TCF25: variants seen among roughly 807,000 people sequenced by gnomAD.
TCF25 encodes TCF25 ribosome quality control complex subunit.
A neutral mutation model predicts 83.1 loss-of-function variants in TCF25; 41 were observed. The observed-to-expected ratio is 0.49, with a 90% CI of 0.38 to 0.64. TCF25 has a LOEUF of 0.64. Among genes scored for constraint, TCF25 ranks in the 30% least tolerant of loss-of-function variants. The pLI is 0.00. For missense variants in TCF25, 979 were observed against 914.5 expected (o/e 1.07, Z -0.91); for synonymous variants, 458 against 365.0 (o/e 1.25, Z -2.90).
intron 1 of TCF25, among the ~76,000 whole-genome samples, chr16:89,882,495 C>G (rs2042682773): frequency 6.6e-6 from 1 of 152,248 alleles, no homozygotes; most frequent in African/African-American, 2.4e-5. Flanking sequence ...CAAGATCACA[C>G]TGCTGCACTG....
chr16:89,899,229 TAGA>T (rs775102743), intron 11 of TCF25, among the ~76,000 whole-genome samples: 2 of 151,352 alleles, frequency 1.3e-5, no homozygotes, highest in Non-Finnish European at 2.9e-5. Flanking sequence ...AGCCGGGAGG[TAGA>T]AGGAGGGTTG....
At chr16:89,907,370 TCCCAG>T in intron 16 of TCF25, 48 bp downstream of exon 16, 1 of 86,540 alleles carries the variant, frequency 1.2e-5, no homozygotes, top group Non-Finnish European at 2.0e-5. Flanking sequence ...ACCTCCCTCC[TCCCAG>T]TTCCCAGCTC....
intron 5 of TCF25, among the ~76,000 whole-genome samples, chr16:89,888,265 CAAAA>C (rs559873717): frequency 6.7e-6 from 1 of 148,700 alleles, no homozygotes; most frequent in Non-Finnish European, 1.5e-5. Flanking sequence ...GACCGTGTCT[CAAAA>C]AAAAGTTTTC....
Position 89,894,084 on chromosome 16 carries a change from G to A in TCF25, c.828+226G>A, listed in dbSNP as rs35781488. Among the ~76,000 whole-genome samples, 1,334 of 152,296 alleles carry A rather than the reference G, an allele frequency of 8.8e-3. 27 individuals are homozygous for A. In the South Asian group the frequency reaches 0.088, roughly 10 times the overall value. On this transcript the variant is annotated intron_variant, in intron 7 of 17. Transcript: ENST00000263346. ...CCATACTCAGAGGAGAGGCTGGAGCGCTGCTCTCTCAGCCGTTCCTGGGGA... is the reference window on the plus strand; with the variant it reads ...CCATACTCAGAGGAGAGGCTGGAGCACTGCTCTCTCAGCCGTTCCTGGGGA...
At chr16:89,882,027 A>G (rs1242697319) in intron 1 of TCF25, among the ~76,000 whole-genome samples, 1 of 152,118 alleles carries the variant, frequency 6.6e-6, no homozygotes, top group African/African-American at 2.4e-5. Flanking sequence ...TGCTGGGATT[A>G]CAGGGGTGCA....
chr16:89,898,616 G>A lies in TCF25; in HGVS notation c.1082G>A (p.Arg361His), dbSNP rs760159298. Residue 361 changes from arginine to histidine, a missense_variant, in exon 10 of 18, where the codon CGC becomes CAC. By Grantham distance (29) the Arg-to-His change is conservative (BLOSUM62 0). Coordinates refer to ENST00000263346, the MANE Select transcript of TCF25 (RefSeq NM_014972.3). ...MSFLEKRGCP[R>H]TALEYCKLIL... is the part of the protein sequence containing the mutation. ...TTCCTGGAGAAGCGAGGCTGCCCGC[G>A]CACGGCGCTGGAGTACTGCAAGCTC... 12 of 1,612,686 alleles carry A rather than the reference G, an allele frequency of 7.4e-6. No homozygotes were observed. The highest frequency in any genetic ancestry group is 2.2e-5 in the South Asian group (2 of 91,086).
At chr16:89,907,894 C>T (rs1334016607) in intron 16 of TCF25, among the ~76,000 whole-genome samples, 3 of 138,342 alleles carry the variant, frequency 2.2e-5, no homozygotes, top group African/African-American at 2.9e-5. Flanking sequence ...CCTCCCAGCT[C>T]CCGCCTCCCA....
rs996003808 is a variant in TCF25, at chr16:89,893,828, C to T, written c.798C>T (p.Ala266=). Residue 266 remains alanine (A), a synonymous_variant, in exon 7 of 18, where the codon GCC becomes GCT. Transcript: ENST00000263346. ...AGGCTCAGCACAAGTTCCTGGTGGC[C>T]GTGGAGTCTATGGAGCCGAACAACA... ...YQQAQHKFLV[A]VESMEPNNIV... 8.1e-6 allele frequency: 13 copies of T among 1,610,674 alleles called. No homozygotes were observed. Among genetic ancestry groups the T allele is most frequent in the South Asian group, 1.1e-5 (1 of 90,410 alleles).
intron 12 of TCF25, among the ~76,000 whole-genome samples, chr16:89,901,337 A>G (rs2044306813): frequency 1.3e-5 from 2 of 152,206 alleles, no homozygotes; most frequent in Admixed American, 6.5e-5. Flanking sequence ...CATGTGTGAA[A>G]TCCCTCTTTA....
At chr16:89,899,839 C>G (rs1320980270) in intron 11 of TCF25, among the ~76,000 whole-genome samples, 1 of 152,194 alleles carries the variant, frequency 6.6e-6, no homozygotes, top group Non-Finnish European at 1.5e-5. Flanking sequence ...CCAGCAGGGC[C>G]TGGGGCTGGG....
rs2045337810 is a variant in TCF25, at chr16:89,909,229, C to T, written c.1800-1362C>T. 3.7e-6 allele frequency: 4 copies of T among 1,083,646 alleles called. No homozygotes were observed. In the African/African-American group the frequency reaches 4.9e-5, roughly 13 times the overall value. 67.1% of individuals were successfully genotyped at this position (1,083,646 alleles called of 1,614,324 possible). ...CTCAACTAAAAATACAAAACTTAGC[C>T]AGCTGGGTGCAGTGACTCACGCCTG... On this transcript the variant is annotated intron_variant, in intron 16 of 17. Coordinates refer to ENST00000263346, the MANE Select transcript of TCF25 (RefSeq NM_014972.3).
At chr16:89,878,589 A>G in intron 1 of TCF25, 1 of 1,167,436 alleles carries the variant, frequency 8.6e-7, no homozygotes, top group African/African-American at 1.7e-5. Context: ...AATGTTCCCC[A>G]TTTGAGACCC....
intron 1 of TCF25, among the ~76,000 whole-genome samples, chr16:89,880,583 CAAAAA>C (rs1168185363): frequency 6.8e-6 from 1 of 146,484 alleles, no homozygotes; most frequent in African/African-American, 2.6e-5. Context: ...GACTCCATCT[CAAAAA>C]AAGAAAAAAA....
At chr16:89,875,112 A>C (rs1271388733) in intron 1 of TCF25, among the ~76,000 whole-genome samples, 8 of 152,064 alleles carry the variant, frequency 5.3e-5, no homozygotes, top group Non-Finnish European at 4.4e-5. Flanking sequence ...TAGTCCTCTC[A>C]CCTTGGCCTC....
rs149445736 is a variant in TCF25, at chr16:89,900,843, C to T, written c.1381+49C>T. The T allele has an allele frequency of 3.0e-4, 435 of 1,472,074 alleles. 2 individuals are homozygous for T. In the African/African-American group the frequency reaches 5.3e-3, roughly 18 times the overall value. 91.2% of individuals were successfully genotyped at this position (1,472,074 alleles called of 1,614,324 possible). On this transcript the variant is annotated intron_variant, in intron 12 of 17. Transcript: ENST00000263346. ...TGGGGTAGGGGTGTGTCCTGTCAGC[C>T]GTGGGGGCTGCTCTTCCTGGTGGTG... is the stretch of plus-strand genomic sequence containing the variant.
Position 89,898,850 on chromosome 16 carries a change from TC to T in TCF25, c.1201del (p.Arg401AlafsTer29). 1.2e-6 allele frequency: 2 copies of T among 1,613,846 alleles called. No individual in the cohort carries two copies. The highest frequency in any genetic ancestry group is 1.7e-6 in the Non-Finnish European group (2 of 1,180,046). ...CGGGCCCGGAACTACGAGTACCTGA[TC>T]CGCCTCTTCCAGGAGTGGGAGGTGG... ...ALRARNYEYL[I>X]RLFQEWEAHR... On this transcript the variant is annotated frameshift_variant, in exon 11 of 18. Transcript: ENST00000263346. LOFTEE classifies it high-confidence loss of function.
intron 15 of TCF25, 40 bp downstream of exon 15, chr16:89,906,324 G>C: frequency 6.3e-7 from 1 of 1,593,672 alleles, no homozygotes; most frequent in East Asian, 2.2e-5. Flanking sequence ...TGTGTAAGCC[G>C]GTCACATGCA....
chr16:89,889,209 TTA>T, intron 5 of TCF25: 1 of 396,690 alleles, frequency 2.5e-6, no homozygotes, highest in South Asian at 1.9e-5. Flanking sequence ...TTATTTATTT[TTA>T]TTTTTTTATT....
chr16:89,887,554 C>T (rs1373170746), intron 4 of TCF25, 98 bp from the exon 5 acceptor site: 19 of 1,197,238 alleles, frequency 1.6e-5, no homozygotes, highest in South Asian at 8.6e-5. Flanking sequence ...ACCAAAAATC[C>T]GTGTTCTCTC....
Sources: allele counts gnomAD v4.1 joint callset (sites outside exome capture counted in the v4.1 genomes callset), GRCh38; gene constraint gnomAD v4.1.1; transcripts MANE v1.5; gene names NCBI Gene and HGNC (gene_info 2026-07-23, HGNC 2026-07-21).